GLIS3: variants seen among roughly 807,000 people sequenced by gnomAD.
GLIS3 encodes the protein zinc finger protein GLIS3.
GLIS3 carries 53 observed loss-of-function variants against 78.6 expected under a neutral mutation model. The ratio of observed to expected loss-of-function variants is 0.67; its 90% confidence interval spans 0.54 to 0.85. The LOEUF (loss-of-function observed/expected upper bound fraction) is 0.85, where lower values mean the gene tolerates loss of function less well. Ranked by LOEUF, GLIS3 falls within the 40% of genes least tolerant of loss-of-function variation. The pLI, the probability that GLIS3 is intolerant of heterozygous loss-of-function variation, is 0.00. For missense variants in GLIS3, 1,703 were observed against 1,231.1 expected (o/e 1.38, Z -5.74); for synonymous variants, 684 against 509.9 (o/e 1.34, Z -4.60).
At chr9:4,383,880 T>A in the GLIS3 span, among the ~76,000 whole-genome samples, 1 of 152,188 alleles carries the variant, frequency 6.6e-6, no homozygotes, top group Admixed American at 6.5e-5. Flanking sequence ...GAAATGGGCT[T>A]CTCCTTGTCT....
At chr9:4,050,841 G>T (rs757772283) in intron 4 of GLIS3, among the ~76,000 whole-genome samples, 2 of 152,142 alleles carry the variant, frequency 1.3e-5, no homozygotes, top group East Asian at 1.9e-4. Context: ...TCAGAGATGG[G>T]CCTCCACGTA....
intron 6 of GLIS3, among the ~76,000 whole-genome samples, chr9:3,930,224 G>A (rs1310080780): frequency 6.6e-6 from 1 of 152,192 alleles, no homozygotes; most frequent in Non-Finnish European, 1.5e-5. Context: ...TAAGGGCTGT[G>A]CAATGCGAGT....
intron 2 of GLIS3, among the ~76,000 whole-genome samples, chr9:4,135,406 G>C (rs1332551853): frequency 6.6e-6 from 1 of 152,026 alleles, no homozygotes; most frequent in Non-Finnish European, 1.5e-5. Context: ...ATTCAAATAT[G>C]AGTATGTATG....
rs1817909710 is a variant in GLIS3, at chr9:3,829,349, C to T, written c.2617G>A (p.Val873Ile). The T allele has an allele frequency of 1.5e-5, 24 of 1,614,102 alleles. No homozygotes were observed. Among genetic ancestry groups the T allele is most frequent in the Non-Finnish European group, 1.9e-5 (22 of 1,180,006 alleles). The change falls in exon 10 of 11, where the codon GTT (valine) becomes ATT (isoleucine). Residue 873 changes from valine to isoleucine, a missense_variant. Val to Ile is a conservative substitution (Grantham distance 29, BLOSUM62 3). Coordinates refer to ENST00000381971, the MANE Select transcript of GLIS3 (RefSeq NM_001042413.2). ...TGAGTCGAGAAGGCTCTGTGGAAAA[C>T]ATCAAAACTGGCCTGGCCCATGGAT... The part of the protein sequence containing the change: ...PTSMGQASFD[V>I]FHRAFSTHSG...
chr9:4,453,345 CAAAAAAAA>C, the GLIS3 span, among the ~76,000 whole-genome samples: 5,687 of 91,700 alleles, frequency 0.062, 420 homozygotes, highest in African/African-American at 0.2. Flanking sequence ...TTCTGCACAG[CAAAAAAAA>C]AAAAAAAAAA....
chr9:4,435,755 C>A, the GLIS3 span, among the ~76,000 whole-genome samples: 9 of 152,134 alleles, frequency 5.9e-5, no homozygotes, highest in South Asian at 1.2e-3. Context: ...GGAGACCATC[C>A]TGGCTAATAC....
chr9:4,469,162 C>T, the GLIS3 span, among the ~76,000 whole-genome samples: 1 of 152,140 alleles, frequency 6.6e-6, no homozygotes, highest in Non-Finnish European at 1.5e-5. Context: ...TAGAAAGAGA[C>T]TTAGACTCCT....
intron 2 of GLIS3, among the ~76,000 whole-genome samples, chr9:4,189,591 G>A (rs1003936229): frequency 6.6e-6 from 1 of 152,110 alleles, no homozygotes; most frequent in Non-Finnish European, 1.5e-5. Flanking sequence ...GTTGACAGTG[G>A]GGTGTTAAAG....
At chr9:4,355,702 G>A in the GLIS3 span, among the ~76,000 whole-genome samples, 1 of 152,154 alleles carries the variant, frequency 6.6e-6, no homozygotes, top group African/African-American at 2.4e-5. Context: ...CTTGGCTAAT[G>A]TCATATAGTT....
intron 5 of GLIS3, among the ~76,000 whole-genome samples, chr9:3,935,413 C>T (rs1018419843): frequency 1.3e-5 from 2 of 151,916 alleles, no homozygotes; most frequent in Non-Finnish European, 2.9e-5. Context: ...TATTAGGTAG[C>T]CTTCCTCAAA....
the GLIS3 span, among the ~76,000 whole-genome samples, chr9:4,407,012 C>T: frequency 6.6e-6 from 1 of 152,126 alleles, no homozygotes; most frequent in Non-Finnish European, 1.5e-5. Context: ...AAGAACAAAA[C>T]TGGAAGAATC....
chr9:3,846,254 A>G (rs1819031559), intron 9 of GLIS3, among the ~76,000 whole-genome samples: 1 of 152,160 alleles, frequency 6.6e-6, no homozygotes, highest in Non-Finnish European at 1.5e-5. Flanking sequence ...AATTTCCATA[A>G]TACTGTATCA....
intron 2 of GLIS3, among the ~76,000 whole-genome samples, chr9:4,127,892 G>A (rs1314507476): frequency 2.6e-5 from 4 of 152,094 alleles, no homozygotes. Context: ...ATAGCAGCTG[G>A]AACAGCATCC....
At chr9:4,470,686 A>C in the GLIS3 span, among the ~76,000 whole-genome samples, 2 of 151,920 alleles carry the variant, frequency 1.3e-5, no homozygotes, top group Non-Finnish European at 2.9e-5. Flanking sequence ...CCCTTTGAAA[A>C]CTGGCACAAG....
the GLIS3 span, among the ~76,000 whole-genome samples, chr9:4,461,313 T>C: frequency 1.3e-5 from 2 of 152,236 alleles, no homozygotes; most frequent in African/African-American, 2.4e-5. Flanking sequence ...CTTTTTAATA[T>C]GAATCATTTG....
At chr9:4,198,832 A>T (rs1390223304) in intron 2 of GLIS3, among the ~76,000 whole-genome samples, 2 of 152,216 alleles carry the variant, frequency 1.3e-5, no homozygotes, top group African/African-American at 4.8e-5. Context: ...GGTCACATAC[A>T]ATGGGAGCCC....
At chr9:4,165,691 T>G (rs61423212) in intron 2 of GLIS3, among the ~76,000 whole-genome samples, 19,121 of 152,170 alleles carry the variant, frequency 0.13, 1,653 homozygotes, top group African/African-American at 0.25. Context: ...TTGAACAAGT[T>G]GAGTATGATG....
chr9:4,073,688 A>G (rs1283848361), intron 4 of GLIS3, among the ~76,000 whole-genome samples: 1 of 152,208 alleles, frequency 6.6e-6, no homozygotes, highest in East Asian at 1.9e-4. Flanking sequence ...CATACCACCT[A>G]CGCGGCAGTC....
chr9:4,194,094 G>C (rs906348471), intron 2 of GLIS3, among the ~76,000 whole-genome samples: 1 of 152,104 alleles, frequency 6.6e-6, no homozygotes, highest in African/African-American at 2.4e-5. Context: ...GTCTTGCTCT[G>C]TCGCCCAGGC....
Sources: gnomAD v4.1 joint callset for allele counts (sites outside exome capture counted in the v4.1 genomes callset) on GRCh38, gnomAD v4.1.1 for gene constraint, MANE v1.5 for transcripts, NCBI Gene and HGNC (gene_info 2026-07-23, HGNC 2026-07-21) for gene names.